ADGB: variants seen among roughly 807,000 people sequenced by gnomAD.
ADGB encodes androglobin.
Under a neutral mutation model 210.5 loss-of-function variants are expected in ADGB, and 172 were observed. That is an observed-to-expected ratio of 0.82 (90% confidence interval 0.72 to 0.93). The LOEUF (loss-of-function observed/expected upper bound fraction) is 0.93. Ranked by LOEUF, ADGB falls within the 40% of genes least tolerant of loss-of-function variation. The pLI, the probability that ADGB is intolerant of heterozygous loss-of-function variation, is 0.00. For synonymous variants in ADGB, 658 were observed against 662.7 expected, an observed-to-expected ratio of 0.99 and a Z score of 0.11; for missense variants, 2,025 against 1,964.8, an observed-to-expected ratio of 1.03 and a Z score of -0.58.
chr6:146,706,444 G>C lies in ADGB; in HGVS notation c.1707+5374G>C, dbSNP rs568557493. Among the ~76,000 whole-genome samples the C allele has an allele frequency of 7.4e-3, 1,130 of 151,820 alleles. 5 individuals are homozygous for C. Among genetic ancestry groups the C allele is most frequent in the African/African-American group, 0.025 (1,035 of 41,404 alleles). On this transcript the variant is annotated intron_variant, in intron 13 of 35. Transcript: ENST00000397944. Reference sequence around the variant, plus strand: ...CCAGCTAATTTTTGTATTTTTAGTAGAGACGAGATTTCACCATGTTGGCCA... The same window carrying C: ...CCAGCTAATTTTTGTATTTTTAGTACAGACGAGATTTCACCATGTTGGCCA...
intron 35 of ADGB, chr6:146,803,879 C>T: frequency 5.7e-6 from 2 of 349,748 alleles, no homozygotes; most frequent in Non-Finnish European, 1.0e-5. Flanking sequence ...TGGGAAAAGT[C>T]TTAACAAGCC....
chr6:146,808,114 C>T (rs891892452), intron 35 of ADGB, among the ~76,000 whole-genome samples: 1 of 151,278 alleles, frequency 6.6e-6, no homozygotes, highest in Non-Finnish European at 1.5e-5. Flanking sequence ...ATTCTCCTGC[C>T]TCAGCTTGCT....
chr6:146,691,776 T>C (rs1032971068), intron 11 of ADGB, among the ~76,000 whole-genome samples: 2 of 151,564 alleles, frequency 1.3e-5, no homozygotes, highest in Non-Finnish European at 2.9e-5. Flanking sequence ...GTTATGGCGA[T>C]GTTATTATTA....
chr6:146,812,524 T>C (rs1198876658), intron 35 of ADGB, among the ~76,000 whole-genome samples: 1 of 152,162 alleles, frequency 6.6e-6, no homozygotes, highest in East Asian at 1.9e-4. Flanking sequence ...GAGATTTTAA[T>C]CAGTGCCCAT....
rs530469760 is a variant in ADGB at position 146,801,372 on chromosome 6, T to C, written c.4634+93T>C. ...TAAATGTTTTCTGTAAAGATTTAATTTGAGGCCTGATTAAGGTGAGATGAG... is the reference window on the plus strand; with the variant it reads ...TAAATGTTTTCTGTAAAGATTTAATCTGAGGCCTGATTAAGGTGAGATGAG... On this transcript the variant is annotated intron_variant, in intron 34 of 35. Coordinates refer to ENST00000397944, the MANE Select transcript of ADGB (RefSeq NM_024694.4). The C allele has an allele frequency of 4.0e-4, 321 of 798,404 alleles. 3 individuals carry two copies. The Middle Eastern group carries it at 0.011, about 28-fold the overall frequency. The allele number at this position is 798,404 out of a possible 1,614,324, so 49.5% of individuals were successfully genotyped here. A position where few individuals can be genotyped will look rare whatever the true frequency, so the allele number is the denominator to read the frequency against.
intron 1 of ADGB, among the ~76,000 whole-genome samples, chr6:146,610,710 T>G (rs1001720303): frequency 2.0e-5 from 3 of 152,288 alleles, no homozygotes; most frequent in South Asian, 2.1e-4. Flanking sequence ...AAGCACCTTC[T>G]GCATTGGAGG....
chr6:146,808,962 C>G (rs796225706), intron 35 of ADGB, among the ~76,000 whole-genome samples: 15 of 151,832 alleles, frequency 9.9e-5, no homozygotes, highest in Non-Finnish European at 1.8e-4. Flanking sequence ...GTGGAGGCCG[C>G]GAAGGCCTCG....
At chr6:146,747,723 C>T (rs1236762054) in intron 26 of ADGB, among the ~76,000 whole-genome samples, 1 of 150,878 alleles carries the variant, frequency 6.6e-6, no homozygotes, top group Non-Finnish European at 1.5e-5. Context: ...AATTATGTCG[C>T]ATAGCATGAA....
At chr6:146,647,115 A>AAAAAAAAAAAAAAAAAAAAAAAAAAC (rs1562263814) in intron 3 of ADGB, among the ~76,000 whole-genome samples, 5 of 148,030 alleles carry the variant, frequency 3.4e-5, no homozygotes, top group African/African-American at 1.0e-4. Flanking sequence ...CAAAAAACAA[A>AAAAAAAAAAAAAAAAAAAAAAAAAAC]AAACAAACAA....
chr6:146,791,486 A>G (rs1178747187), intron 33 of ADGB, among the ~76,000 whole-genome samples: 1 of 151,752 alleles, frequency 6.6e-6, no homozygotes, highest in East Asian at 1.9e-4. Context: ...TGAGACTATA[A>G]GCGCATGCCA....
chr6:146,735,737 G>C (rs576908349), intron 22 of ADGB, among the ~76,000 whole-genome samples: 1 of 152,200 alleles, frequency 6.6e-6, no homozygotes, highest in Admixed American at 6.5e-5. Context: ...GTACTTCATA[G>C]AGTTTGTGTT....
At position 146,807,757 on chromosome 6, in the gene ADGB, C is replaced by T. The variant is rs147138106; in HGVS notation, c.4818+5746C>T. 1.6e-3 allele frequency: 892 copies of T among 547,592 alleles called. 6 individuals carry two copies. Among genetic ancestry groups the T allele is most frequent in the African/African-American group, 0.014 (702 of 50,992 alleles). 33.9% of individuals were successfully genotyped at this position (547,592 alleles called of 1,614,324 possible). A position where few individuals can be genotyped will look rare whatever the true frequency, so the allele number is the denominator to read the frequency against. On this transcript the variant is annotated intron_variant, in intron 35 of 35. Transcript: ENST00000397944. ...TTCCTCAGAAAGCTAGTATTTGAAG[C>T]CATTCGAGTTTAAGATGCTCTAATT...
Position 146,793,339 on chromosome 6 carries a change from G to T in ADGB, c.4537+4729G>T, listed in dbSNP as rs139289286. The stretch of plus-strand genomic sequence containing the variant: ...TCCAAGTCCCCACTTGACCCAGGAA[G>T]TCAATCTGGCTTCACCTTTCAATCC... On this transcript the variant is annotated intron_variant, in intron 33 of 35. Transcript: ENST00000397944. Among the ~76,000 whole-genome samples the T allele has an allele frequency of 1.1e-3, 167 of 152,336 alleles. 2 individuals are homozygous for T. The East Asian group carries it at 0.029, about 27-fold the overall frequency.
intron 1 of ADGB, among the ~76,000 whole-genome samples, chr6:146,608,261 A>C (rs931563162): frequency 6.6e-6 from 1 of 150,576 alleles, no homozygotes; most frequent in African/African-American, 2.4e-5. Flanking sequence ...AGTGTGTTTT[A>C]TTATTATTAT....
chr6:146,632,269 T>A (rs565114241), intron 1 of ADGB, among the ~76,000 whole-genome samples: 1 of 152,292 alleles, frequency 6.6e-6, no homozygotes, highest in South Asian at 2.1e-4. Flanking sequence ...ATTCCTCGGC[T>A]TGTGGCCACT....
At chr6:146,751,496 A>T (rs1172421204) in intron 26 of ADGB, among the ~76,000 whole-genome samples, 1 of 152,138 alleles carries the variant, frequency 6.6e-6, no homozygotes, top group East Asian at 1.9e-4. Context: ...GTATATACCC[A>T]GTAATGGGAT....
chr6:146,620,671 T>C (rs1023547997), intron 1 of ADGB, among the ~76,000 whole-genome samples: 2 of 152,112 alleles, frequency 1.3e-5, no homozygotes, highest in Non-Finnish European at 2.9e-5. Context: ...TTGTCGTATT[T>C]CTCATTTTGT....
intron 3 of ADGB, among the ~76,000 whole-genome samples, chr6:146,652,761 T>C (rs968810675): frequency 1.3e-5 from 2 of 152,224 alleles, no homozygotes; most frequent in South Asian, 4.2e-4. Context: ...ACTAACAAAA[T>C]AGACAATAAT....
rs1456121830 is a variant in ADGB at position 146,740,636 on chromosome 6, G to A, written c.3023+43G>A. 5 of 1,527,710 alleles carry A rather than the reference G, an allele frequency of 3.3e-6. No individual in the cohort carries two copies. In the African/African-American group the frequency reaches 5.5e-5, roughly 17 times the overall value. 94.6% of individuals were successfully genotyped at this position (1,527,710 alleles called of 1,614,324 possible). On this transcript the variant is annotated intron_variant, in intron 24 of 35. Transcript: ENST00000397944. ...TGACAAATATGTCTCTAAATGGCTT[G>A]CAATATCTGTATTTATGAATATTTC...
Sources: gnomAD v4.1 joint callset for allele counts (sites outside exome capture counted in the v4.1 genomes callset) on GRCh38, gnomAD v4.1.1 for gene constraint, MANE v1.5 for transcripts, NCBI Gene and HGNC (gene_info 2026-07-23, HGNC 2026-07-21) for gene names.